Variants in MYOM2 observed in about 807,000 individuals in gnomAD.
MYOM2 encodes the protein myomesin-2.
Under a neutral mutation model 187.6 loss-of-function variants are expected in MYOM2, and 254 were observed. The ratio of observed to expected loss-of-function variants is 1.35; its 90% CI spans 1.22 to 1.50. The LOEUF (loss-of-function observed/expected upper bound fraction) is 1.50. MYOM2 is among the 40% of genes most tolerant of loss of function. The pLI is 0.00. For synonymous variants in MYOM2, 981 were observed against 753.8 expected, an observed-to-expected ratio of 1.30 and a Z score of -4.94; for missense variants, 2,796 against 1,924.0, an observed-to-expected ratio of 1.45 and a Z score of -8.48.
intron 6 of MYOM2, among the ~76,000 whole-genome samples, chr8:2,061,276 C>T (rs1019685361): frequency 6.6e-6 from 1 of 151,876 alleles, no homozygotes; most frequent in Non-Finnish European, 1.5e-5. Context: ...GGGAGGGTGT[C>T]TCTGTCCCTG....
intron 5 of MYOM2, 49 bp from the exon 6 acceptor site, chr8:2,059,104 A>C: frequency 1.3e-6 from 2 of 1,539,966 alleles, no homozygotes; most frequent in African/African-American, 2.7e-5. Flanking sequence ...TTGCACACAC[A>C]CAAAATACAA....
In MYOM2 at chr8:2,140,899, T is replaced by A. The variant is rs1163829777; in HGVS notation, c.3964+13T>A. On this transcript the variant is annotated intron_variant, in intron 33 of 36. Transcript: ENST00000262113. ...CTGTCCGGACAAGGTAAGAGAATTC[T>A]TCTTTAGCATTTAATAATTTCCTAT... is the stretch of plus-strand genomic sequence containing the variant. The A allele has an allele frequency of 1.9e-6, 3 of 1,588,912 alleles. No homozygotes were observed. Among genetic ancestry groups the A allele is most frequent in the South Asian group, 2.3e-5 (2 of 87,606 alleles).
Position 2,129,156 on chromosome 8 carries a change from T to C in MYOM2, c.3724T>C (p.Cys1242Arg), listed in dbSNP as rs756300104. ...ATCTGCTTCGCCACTGAAGGTACTC[T>C]GCACCCCAGAAGGAATACGACTTCA... ...GKSASPLKVLCTPEGIRLQCF... is the reference protein window; with the variant it reads ...GKSASPLKVLRTPEGIRLQCF... The change falls in exon 32 of 37, where the codon TGC (cysteine) becomes CGC (arginine). Residue 1242 changes from cysteine (C) to arginine (R), a missense_variant. Physicochemically the swap from Cys to Arg is radical, Grantham distance 180. Coordinates refer to ENST00000262113, the MANE Select transcript of MYOM2 (RefSeq NM_003970.4). 6.2e-7 allele frequency: 1 copy of C among 1,611,496 alleles called. No homozygotes were observed. The highest frequency in any genetic ancestry group is 8.5e-7 in the Non-Finnish European group (1 of 1,177,740).
intron 6 of MYOM2, among the ~76,000 whole-genome samples, chr8:2,062,311 T>C (rs1447211812): frequency 1.3e-5 from 2 of 152,214 alleles, no homozygotes; most frequent in African/African-American, 4.8e-5. Flanking sequence ...AGGATCACTC[T>C]GACTGCAGAC....
intron 15 of MYOM2, among the ~76,000 whole-genome samples, chr8:2,090,569 A>T (rs1796263545): frequency 1.3e-5 from 2 of 152,190 alleles, no homozygotes; most frequent in South Asian, 4.1e-4. Flanking sequence ...TTCGTCACCC[A>T]GGTACCAAGC....
intron 5 of MYOM2, 103 bp downstream of exon 5, chr8:2,057,883 C>A: frequency 8.0e-7 from 1 of 1,244,616 alleles, no homozygotes; most frequent in Middle Eastern, 2.0e-4. Flanking sequence ...TGCTGGAGGC[C>A]ACTTACCTTG....
intron 32 of MYOM2, 74 bp downstream of exon 32, chr8:2,129,306 C>A: frequency 4.1e-6 from 4 of 965,346 alleles, no homozygotes; most frequent in Non-Finnish European, 6.6e-6. Context: ...GGACCAGGCG[C>A]TCCCTGGGGA....
chr8:2,059,402 T>C (rs761920135), intron 6 of MYOM2, among the ~76,000 whole-genome samples, 157 bp downstream of exon 6: 1 of 152,174 alleles, frequency 6.6e-6, no homozygotes, highest in Admixed American at 6.5e-5. Context: ...GGTACTGGTG[T>C]TGGAAGCTTC....
At chr8:2,079,740 C>T (rs1819558306) in intron 13 of MYOM2, 127 bp downstream of exon 13, 4 of 994,262 alleles carry the variant, frequency 4.0e-6, no homozygotes, top group Non-Finnish European at 6.4e-6. Flanking sequence ...ATGAAAACCG[C>T]AGGTCAGGCC....
intron 5 of MYOM2, among the ~76,000 whole-genome samples, chr8:2,058,708 C>A (rs531949245): frequency 1.1e-4 from 17 of 152,236 alleles, no homozygotes; most frequent in Non-Finnish European, 1.9e-4. Context: ...GCTCTTGATG[C>A]GGAGGTGCTG....
chr8:2,113,088 T>G (rs1585927744), intron 25 of MYOM2, among the ~76,000 whole-genome samples: 1 of 152,192 alleles, frequency 6.6e-6, no homozygotes, highest in Non-Finnish European at 1.5e-5. Context: ...CAGAAAATAT[T>G]GACAGCAGCT....
chr8:2,142,413 A>T lies in MYOM2; in HGVS notation c.4024+16A>T. ...GCAGAGAAGAGTAAGTACCTGTTGG[A>T]TTGTAACCAGGATGGTGAATTATTT... On this transcript the variant is annotated intron_variant, in intron 35 of 36. Transcript: ENST00000262113. The T allele has an allele frequency of 1.2e-6, 2 of 1,613,250 alleles. No homozygotes were observed. The highest frequency in any genetic ancestry group is 1.7e-6 in the Non-Finnish European group (2 of 1,179,208).
intron 6 of MYOM2, among the ~76,000 whole-genome samples, chr8:2,068,277 G>A (rs1448829396): frequency 1.3e-5 from 2 of 151,484 alleles, no homozygotes; most frequent in Non-Finnish European, 2.9e-5. Flanking sequence ...TGTGCACCAG[G>A]CAGAGAGCAT....
intron 6 of MYOM2, among the ~76,000 whole-genome samples, chr8:2,065,583 C>G (rs1003757080): frequency 1.3e-5 from 2 of 152,084 alleles, no homozygotes; most frequent in African/African-American, 2.4e-5. Context: ...AAAAAAGAGC[C>G]TCGGCAACTA....
chr8:2,093,378 A>G (rs1796374443), intron 16 of MYOM2, among the ~76,000 whole-genome samples: 1 of 152,242 alleles, frequency 6.6e-6, no homozygotes, highest in Non-Finnish European at 1.5e-5. Flanking sequence ...AATTGCTTAC[A>G]CGGACTGAAT....
At chr8:2,068,958 T>C (rs1468752206) in intron 6 of MYOM2, among the ~76,000 whole-genome samples, 5 of 152,038 alleles carry the variant, frequency 3.3e-5, no homozygotes, top group Non-Finnish European at 7.4e-5. Context: ...TCCATAGAGG[T>C]AGAAAAAATA....
At chr8:2,131,475 G>A (rs1357896291) in intron 32 of MYOM2, among the ~76,000 whole-genome samples, 1 of 151,932 alleles carries the variant, frequency 6.6e-6, no homozygotes, top group African/African-American at 2.4e-5. Context: ...TCGGGGCACA[G>A]CTCATGCATC....
intron 32 of MYOM2, among the ~76,000 whole-genome samples, chr8:2,132,191 A>T (rs1797897942): frequency 6.6e-6 from 1 of 152,214 alleles, no homozygotes; most frequent in Non-Finnish European, 1.5e-5. Context: ...AAAACCTATG[A>T]AGCCAGGGAG....
In MYOM2 at chr8:2,085,400, G is replaced by A. The variant is rs370051770; in HGVS notation, c.1644+10G>A. The A allele has an allele frequency of 2.6e-5, 42 of 1,599,724 alleles. No homozygotes were observed. Among genetic ancestry groups the A allele is most frequent in the Admixed American group, 6.8e-5 (4 of 58,824 alleles). On this transcript the variant is annotated intron_variant, in intron 14 of 36. Coordinates refer to ENST00000262113, the MANE Select transcript of MYOM2 (RefSeq NM_003970.4). The stretch of plus-strand genomic sequence containing the variant: ...GTACTTCATTGAGAAGGTAAACTCC[G>A]GGCCCGTGTCCTGGAAAAGTAGATC...
Sources: allele counts gnomAD v4.1 joint callset (sites outside exome capture counted in the v4.1 genomes callset), GRCh38; gene constraint gnomAD v4.1.1; transcripts MANE v1.5; gene names NCBI Gene and HGNC (gene_info 2026-07-23, HGNC 2026-07-21).